Variants in AOPEP observed in about 807,000 individuals in gnomAD.
The protein encoded by AOPEP is aminopeptidase O (putative), also known as aminopeptidase O.
A neutral mutation model predicts 98.1 loss-of-function variants in AOPEP; 77 were observed. That is an observed-to-expected ratio of 0.78 (90% CI 0.65 to 0.95). The LOEUF (loss-of-function observed/expected upper bound fraction) is 0.95, where lower values mean the gene tolerates loss of function less well. Ranked by LOEUF, AOPEP falls within the 40% of genes least tolerant of loss-of-function variation. The pLI, the probability that AOPEP is intolerant of heterozygous loss-of-function variation, is 0.00. For missense variants in AOPEP, 1,024 were observed against 1,024.7 expected, an observed-to-expected ratio of 1.00 and a Z score of 0.01; for synonymous variants, 346 against 365.3, an observed-to-expected ratio of 0.95 and a Z score of 0.60.
chr9:94,965,085 T>C (rs771833183), intron 9 of AOPEP, among the ~76,000 whole-genome samples: 8 of 152,236 alleles, frequency 5.3e-5, no homozygotes, highest in Non-Finnish European at 7.3e-5. Context: ...TTTTGCAAAA[T>C]AATTTTTAAG....
chr9:94,798,203 T>C (rs10993351), intron 4 of AOPEP, among the ~76,000 whole-genome samples: 33,264 of 152,162 alleles, frequency 0.22, 5,126 homozygotes, highest in African/African-American at 0.43. Context: ...ATGCCATTTC[T>C]GTGTCCATTT....
At chr9:95,112,892 G>C in the AOPEP span, among the ~76,000 whole-genome samples, 3 of 152,362 alleles carry the variant, frequency 2.0e-5, no homozygotes, top group East Asian at 5.8e-4. Flanking sequence ...TCTGGTTGCT[G>C]TTTTATTCCA....
chr9:95,129,174 T>G, the AOPEP span, among the ~76,000 whole-genome samples: 1 of 152,158 alleles, frequency 6.6e-6, no homozygotes. Context: ...TTGCTACCCC[T>G]ACAGCTGTGA....
the AOPEP span, among the ~76,000 whole-genome samples, chr9:95,138,628 G>C: frequency 2.2e-4 from 33 of 152,324 alleles, no homozygotes; most frequent in East Asian, 6.0e-3. Context: ...CACTGGAAAG[G>C]CGTTTCACTG....
chr9:95,024,300 A>G (rs1300857820), intron 13 of AOPEP, among the ~76,000 whole-genome samples: 1 of 152,236 alleles, frequency 6.6e-6, no homozygotes, highest in Non-Finnish European at 1.5e-5. Flanking sequence ...GTTGTTTTCC[A>G]TAGTCCGTGT....
the AOPEP span, among the ~76,000 whole-genome samples, chr9:95,116,120 ATGCCC>A: frequency 1.3e-5 from 2 of 152,252 alleles, no homozygotes; most frequent in Non-Finnish European, 2.9e-5. Context: ...GGTTGGGCCC[ATGCCC>A]ATGCACCACC....
intron 13 of AOPEP, among the ~76,000 whole-genome samples, chr9:95,030,281 A>G (rs1302870075): frequency 3.9e-5 from 6 of 152,186 alleles, no homozygotes; most frequent in Non-Finnish European, 8.8e-5. Flanking sequence ...CGTGTTATAT[A>G]TTTGTGACTT....
rs148094425 is a variant in AOPEP at position 95,027,947 on chromosome 9, C to T, written c.2115+22331C>T. Among the ~76,000 whole-genome samples the T allele has an allele frequency of 2.6e-3, 389 of 152,318 alleles. 1 individual carries two copies. The highest frequency in any genetic ancestry group is 8.7e-3 in the African/African-American group (361 of 41,562). ...GAGCATTCCGGTGAAATAACCCTCT[C>T]GTCGTGGGTGAAGTTCAGGACCACC... is the stretch of plus-strand genomic sequence containing the variant. On this transcript the variant is annotated intron_variant, in intron 13 of 16. Transcript: ENST00000375315.
intron 13 of AOPEP, among the ~76,000 whole-genome samples, chr9:95,007,837 G>C (rs1040751929): frequency 6.6e-6 from 1 of 152,196 alleles, no homozygotes; most frequent in African/African-American, 2.4e-5. Context: ...AATAGAAATT[G>C]AGCTTTGTGA....
intron 13 of AOPEP, among the ~76,000 whole-genome samples, chr9:95,052,452 C>T (rs1229552980): frequency 1.3e-5 from 2 of 152,118 alleles, no homozygotes; most frequent in East Asian, 3.8e-4. Flanking sequence ...AGTTTTTTCC[C>T]CATTTGCTAA....
intron 13 of AOPEP, among the ~76,000 whole-genome samples, chr9:95,032,801 A>AT (rs1442327594): frequency 6.6e-6 from 1 of 152,156 alleles, no homozygotes; most frequent in East Asian, 1.9e-4. Context: ...CTGTGCTTTT[A>AT]TTTTATGACA....
chr9:94,979,139 C>G (rs2060023385), intron 10 of AOPEP, among the ~76,000 whole-genome samples: 1 of 152,152 alleles, frequency 6.6e-6, no homozygotes. Context: ...GATGCTGTGC[C>G]TGGGTCCTTA....
chr9:95,135,535 G>T, the AOPEP span: 2 of 1,599,346 alleles, frequency 1.3e-6, no homozygotes, highest in Non-Finnish European at 1.7e-6. Flanking sequence ...ATTTTAAACA[G>T]AAATGGCTCA....
chr9:95,026,020 T>TTCCTTTATTA (rs2063807832), intron 13 of AOPEP, among the ~76,000 whole-genome samples: 1 of 152,338 alleles, frequency 6.6e-6, no homozygotes, highest in South Asian at 2.1e-4. Context: ...CTCCCCCGTG[T>TTCCTTTATTA]TCCTTTATTA....
chr9:94,874,924 A>T (rs1285938860), intron 5 of AOPEP, among the ~76,000 whole-genome samples: 1 of 152,192 alleles, frequency 6.6e-6, no homozygotes, highest in Non-Finnish European at 1.5e-5. Context: ...TATATTATTT[A>T]TAATATCCTG....
chr9:95,017,219 T>C (rs2063081437), intron 13 of AOPEP, among the ~76,000 whole-genome samples: 1 of 152,100 alleles, frequency 6.6e-6, no homozygotes, highest in Non-Finnish European at 1.5e-5. Context: ...GCTTTAGTTT[T>C]CAGTGTCAAA....
At position 94,800,924 on chromosome 9, in the gene AOPEP, C is replaced by T; in HGVS notation, c.1286C>T (p.Ser429Phe). Residue 429 changes from serine (S) to phenylalanine (F), a missense_variant, in exon 5 of 17, where the codon TCT (serine) becomes TTT (phenylalanine). By Grantham distance (155) the Ser-to-Phe change is radical. This residue lies in a region of AOPEP where 566 missense variants were observed against 551.7 expected (regional missense o/e 1.03). Transcript: ENST00000375315. ...CCTCCTTGCCTCTCAGCAGCACATTCTGTTCTGGGAGCACACCCGTTCTCT... is the reference window on the plus strand; with the variant it reads ...CCTCCTTGCCTCTCAGCAGCACATTTTGTTCTGGGAGCACACCCGTTCTCT... Reference protein sequence around the residue: ...LIPPCLSAAHSVLGAHPFSRL... With the variant: ...LIPPCLSAAHFVLGAHPFSRL... 1 of 1,614,186 alleles carries T rather than the reference C, an allele frequency of 6.2e-7. No individual in the cohort carries two copies.
At chr9:94,986,709 G>T (rs1431697014) in intron 11 of AOPEP, among the ~76,000 whole-genome samples, 1 of 151,970 alleles carries the variant, frequency 6.6e-6, no homozygotes, top group African/African-American at 2.4e-5. Flanking sequence ...TAACATTGGG[G>T]CATCTGATTT....
intron 5 of AOPEP, among the ~76,000 whole-genome samples, chr9:94,850,207 G>A (rs2043379213): frequency 6.6e-6 from 1 of 152,096 alleles, no homozygotes; most frequent in Non-Finnish European, 1.5e-5. Flanking sequence ...TTGTAAAAAA[G>A]TTACTTTTTA....
Sources: gnomAD v4.1 joint callset for allele counts (sites outside exome capture counted in the v4.1 genomes callset) on GRCh38, gnomAD v4.1.1 for gene constraint, gnomAD v4.1.1 regional missense constraint, MANE v1.5 for transcripts, NCBI Gene and HGNC (gene_info 2026-07-23, HGNC 2026-07-21) for gene names.